MFN1: variants seen among roughly 807,000 people sequenced by gnomAD.
The protein encoded by MFN1 is mitofusin-1.
MFN1 carries 65 observed loss-of-function variants against 92.4 expected under a neutral mutation model. The observed-to-expected ratio is 0.70, with a 90% CI of 0.58 to 0.86. MFN1 has a LOEUF of 0.86. Ranked by LOEUF, MFN1 falls within the 40% of genes least tolerant of loss-of-function variation. The probability of loss-of-function intolerance (pLI) is 0.00; values close to 1 mark genes in which losing one functional copy is unlikely to be tolerated. For missense variants in MFN1, 781 were observed against 868.0 expected, an observed-to-expected ratio of 0.90 and a Z score of 1.26; for synonymous variants, 297 against 300.9, an observed-to-expected ratio of 0.99 and a Z score of 0.13.
intron 9 of MFN1, among the ~76,000 whole-genome samples, chr3:179,370,563 C>T (rs1391553136): frequency 6.6e-6 from 1 of 151,924 alleles, no homozygotes; most frequent in East Asian, 1.9e-4. Context: ...AGGGGCACAC[C>T]ACTACATCCG....
intron 9 of MFN1, among the ~76,000 whole-genome samples, chr3:179,369,286 A>G (rs969338506): frequency 5.9e-5 from 9 of 152,106 alleles, no homozygotes; most frequent in African/African-American, 2.2e-4. Context: ...ATCATAGCGC[A>G]TTGCAGCCTC....
intron 3 of MFN1, among the ~76,000 whole-genome samples, chr3:179,357,592 A>T (rs1160907821): frequency 6.6e-6 from 1 of 152,162 alleles, no homozygotes; most frequent in East Asian, 1.9e-4. Context: ...AAAAGATAGG[A>T]TGCTTTTGCA....
intron 3 of MFN1, among the ~76,000 whole-genome samples, chr3:179,356,872 C>G (rs144375181): frequency 2.6e-5 from 4 of 152,140 alleles, no homozygotes; most frequent in African/African-American, 7.2e-5. Flanking sequence ...TGCTGAGACA[C>G]CAGGTTGCAG....
intron 13 of MFN1, 51 bp from the exon 14 acceptor site, chr3:179,378,534 G>T: frequency 6.5e-7 from 1 of 1,548,090 alleles, no homozygotes; most frequent in Non-Finnish European, 8.8e-7. Flanking sequence ...TCCATTGAAG[G>T]TAAAACATTT....
intron 7 of MFN1, 134 bp downstream of exon 7, chr3:179,365,359 G>C: frequency 1.8e-6 from 1 of 545,226 alleles, no homozygotes; most frequent in Non-Finnish European, 3.1e-6. Flanking sequence ...GAGAAAACCT[G>C]AAGTAGGTAT....
chr3:179,378,922 A>G (rs1382177283), intron 14 of MFN1, 108 bp downstream of exon 14: 12 of 829,298 alleles, frequency 1.4e-5, no homozygotes, highest in Non-Finnish European at 2.3e-5. Context: ...AAAAGCTAGT[A>G]TCTATCTCTT....
intron 2 of MFN1, among the ~76,000 whole-genome samples, chr3:179,349,568 G>A (rs1212683128): frequency 2.0e-5 from 3 of 151,704 alleles, no homozygotes; most frequent in Non-Finnish European, 2.9e-5. Context: ...GAGTGCAGTG[G>A]CATGTTCTTG....
At chr3:179,385,524 GTTGT>G (rs1344346642) in intron 14 of MFN1, 41 bp from the exon 15 acceptor site, 16 of 1,530,794 alleles carry the variant, frequency 1.0e-5, no homozygotes, top group Non-Finnish European at 1.4e-5. Context: ...TAACTTTATA[GTTGT>G]TTAAGTGTAA....
chr3:179,383,215 G>A (rs546689082), intron 14 of MFN1, among the ~76,000 whole-genome samples: 1 of 152,322 alleles, frequency 6.6e-6, no homozygotes, highest in South Asian at 2.1e-4. Context: ...TAACATTTAA[G>A]TCTTTAATGC....
chr3:179,376,919 T>G, intron 10 of MFN1, 123 bp from the exon 11 acceptor site: 11 of 857,284 alleles, frequency 1.3e-5, no homozygotes, highest in Non-Finnish European at 1.7e-5. Flanking sequence ...TTTGAGATGT[T>G]ACAAGTTTTT....
At chr3:179,384,131 C>T (rs1356245951) in intron 14 of MFN1, among the ~76,000 whole-genome samples, 2 of 152,168 alleles carry the variant, frequency 1.3e-5, no homozygotes, top group Non-Finnish European at 2.9e-5. Flanking sequence ...GGTTTATCAT[C>T]ATGGTATCAG....
At chr3:179,356,123 A>T (rs1336410528) in intron 3 of MFN1, among the ~76,000 whole-genome samples, 1 of 152,204 alleles carries the variant, frequency 6.6e-6, no homozygotes, top group Non-Finnish European at 1.5e-5. Flanking sequence ...CTTTTTAATG[A>T]CAACTGAATT....
chr3:179,376,972 G>T, intron 10 of MFN1, 70 bp from the exon 11 acceptor site: 1 of 1,493,566 alleles, frequency 6.7e-7, no homozygotes, highest in Admixed American at 2.1e-5. Flanking sequence ...ATACATGAAT[G>T]AGTCCCTTGC....
At chr3:179,386,987 G>A (rs1713710852) in intron 16 of MFN1, among the ~76,000 whole-genome samples, 1 of 152,024 alleles carries the variant, frequency 6.6e-6, no homozygotes, top group Non-Finnish European at 1.5e-5. Flanking sequence ...GCACAATCTG[G>A]CTCACTGCAG....
chr3:179,364,979 T>C, intron 6 of MFN1, 139 bp from the exon 7 acceptor site: 1 of 443,976 alleles, frequency 2.3e-6, no homozygotes. Flanking sequence ...GAAAGTTTAA[T>C]GCTCATAGAG....
At position 179,378,726 on chromosome 3, in the gene MFN1, C is replaced by T. The variant is rs1021658895; in HGVS notation, c.1574C>T (p.Ser525Phe). The T allele has an allele frequency of 6.2e-7, 1 of 1,613,970 alleles. No homozygotes were observed. Among genetic ancestry groups the T allele is most frequent in the Non-Finnish European group, 8.5e-7 (1 of 1,179,924 alleles). ...DFQEDIVFRFSLGWSSLVHRF... is the reference protein window; with the variant it reads ...DFQEDIVFRFFLGWSSLVHRF... ...CAAGAGGATATTGTATTTCGTTTTT[C>T]CCTGGGCTGGTCTTCCCTTGTACAT... The change falls in exon 14 of 18, where the codon TCC becomes TTC. Residue 525 changes from serine (S) to phenylalanine (F), a missense_variant. Coordinates refer to ENST00000471841, the MANE Select transcript of MFN1 (RefSeq NM_033540.3).
intron 4 of MFN1, among the ~76,000 whole-genome samples, chr3:179,361,852 A>G (rs1712594131): frequency 6.6e-6 from 1 of 152,134 alleles, no homozygotes; most frequent in African/African-American, 2.4e-5. Flanking sequence ...TCTCACTTTT[A>G]AGCAAGAAGA....
At chr3:179,377,881 G>C (rs1713305188) in intron 12 of MFN1, among the ~76,000 whole-genome samples, 2 of 151,990 alleles carry the variant, frequency 1.3e-5, no homozygotes, top group Admixed American at 1.3e-4. Flanking sequence ...TGACCAACAT[G>C]GTGAAACCCT....
At position 179,392,059 on chromosome 3, in the gene MFN1, A is replaced by G. The variant is rs1372982273; in HGVS notation, c.2226A>G (p.Ter742=). The stretch of plus-strand genomic sequence containing the variant: ...TACCTTCAAGCAATGAAGAATCCTA[A>G]CAATAGAGATTGCTTTGGTGACCAT... The part of the protein sequence containing the change: ...QFLPSSNEES[*] Residue 742 remains the stop codon, a stop_retained_variant, in exon 18 of 18, where the codon TAA becomes TAG. Coordinates refer to ENST00000471841, the MANE Select transcript of MFN1 (RefSeq NM_033540.3). 1.2e-6 allele frequency: 2 copies of G among 1,600,184 alleles called. No homozygotes were observed. Among genetic ancestry groups the G allele is most frequent in the Non-Finnish European group, 8.6e-7 (1 of 1,169,474 alleles).
Sources: allele counts gnomAD v4.1 joint callset (sites outside exome capture counted in the v4.1 genomes callset), GRCh38; gene constraint gnomAD v4.1.1; transcripts MANE v1.5; gene names NCBI Gene and HGNC (gene_info 2026-07-23, HGNC 2026-07-21).